Variants in NKIRAS1 observed in about 807,000 individuals in gnomAD.
NKIRAS1 encodes the protein NFKB inhibitor interacting Ras like 1.
NKIRAS1 carries 16 observed loss-of-function variants against 19.8 expected under a neutral mutation model. The observed-to-expected ratio is 0.81, with a 90% CI of 0.55 to 1.23. The LOEUF (loss-of-function observed/expected upper bound fraction) is 1.23. NKIRAS1 is among the 50% of genes most tolerant of loss of function. The probability of loss-of-function intolerance (pLI) is 0.00; values close to 1 mark genes in which losing one functional copy is unlikely to be tolerated. For missense variants in NKIRAS1, 184 were observed against 220.0 expected (o/e 0.84, Z 1.04); for synonymous variants, 88 against 79.0 (o/e 1.11, Z -0.61).
upstream of NKIRAS1, chr3:23,917,986 A>T: frequency 6.2e-7 from 1 of 1,612,234 alleles, no homozygotes; most frequent in Non-Finnish European, 8.5e-7. Context: ...TCCCCGCCCC[A>T]CCCGGCCTGA....
intron 1 of NKIRAS1, among the ~76,000 whole-genome samples, chr3:23,945,944 AGGCGGCGGCGGCGGGC>A (rs1470692265): frequency 3.3e-5 from 5 of 149,720 alleles, no homozygotes; most frequent in African/African-American, 1.2e-4. Flanking sequence ...ATGGGCGCTG[AGGCGGCGGCGGCGGGC>A]GGGGACACGT....
At chr3:23,893,780 C>T (rs1338931033) in intron 4 of NKIRAS1, among the ~76,000 whole-genome samples, 5 of 117,776 alleles carry the variant, frequency 4.2e-5, no homozygotes, top group African/African-American at 1.7e-4. Flanking sequence ...GCCTGGGTGA[C>T]TGTGCAAGAC....
intron 3 of NKIRAS1, among the ~76,000 whole-genome samples, chr3:23,905,777 G>C (rs1317383390): frequency 7.2e-6 from 1 of 138,722 alleles, no homozygotes; most frequent in African/African-American, 2.7e-5. Flanking sequence ...CCCCAGAAAA[G>C]TACTGGAAAA....
At chr3:23,893,458 A>C in intron 4 of NKIRAS1, 121 bp from the exon 5 acceptor site, 15 of 808,094 alleles carry the variant, frequency 1.9e-5, no homozygotes, top group Non-Finnish European at 2.8e-5. Flanking sequence ...ACTGATTCTC[A>C]AGTGTGACTG....
intron 2 of NKIRAS1, 96 bp downstream of exon 2, chr3:23,911,233 C>T: frequency 4.7e-6 from 1 of 213,020 alleles, no homozygotes; most frequent in Non-Finnish European, 9.5e-6. Flanking sequence ...GCGGGTGGAT[C>T]ACCTGAGGTC....
Position 23,890,680 on chromosome 3 carries a change from G to T in NKIRAS1, c.*2415C>A, listed in dbSNP as rs1200606094. ...TGCTTATGATTTTGAAGGGGTCAGG[G>T]AGGGTGGGAGTTGGTAAAGAGTAGG... On this transcript the variant is annotated 3_prime_UTR_variant, in exon 5 of 5. Coordinates refer to ENST00000425478, the MANE Select transcript of NKIRAS1 (RefSeq NM_020345.4). 7.5e-5 allele frequency: 82 copies of T among 1,100,214 alleles called. No homozygotes were observed. Among genetic ancestry groups the T allele is most frequent in the Admixed American group, 2.0e-4 (9 of 44,272 alleles). 68.2% of individuals were successfully genotyped at this position (1,100,214 alleles called of 1,614,324 possible). A position where few individuals can be genotyped will look rare whatever the true frequency, so the allele number is the denominator to read the frequency against.
chr3:23,939,105 G>A (rs1705447963), intron 1 of NKIRAS1, among the ~76,000 whole-genome samples: 1 of 152,200 alleles, frequency 6.6e-6, no homozygotes, highest in South Asian at 2.1e-4. Context: ...AAGTTATGGG[G>A]TGATTTGTTA....
At chr3:23,937,805 G>T (rs564037940) in intron 1 of NKIRAS1, among the ~76,000 whole-genome samples, 1 of 152,204 alleles carries the variant, frequency 6.6e-6, no homozygotes, top group East Asian at 1.9e-4. Context: ...TCTATTCAAT[G>T]AAGTATCTTG....
upstream of NKIRAS1, chr3:23,919,095 T>A: frequency 1.3e-6 from 1 of 774,842 alleles, no homozygotes. Context: ...AGTAAAAGAC[T>A]CTTGTCTGGT....
intron 3 of NKIRAS1, among the ~76,000 whole-genome samples, chr3:23,902,122 A>G (rs1191319973): frequency 1.3e-5 from 2 of 152,208 alleles, no homozygotes; most frequent in African/African-American, 4.8e-5. Context: ...AGATACATCC[A>G]GAGGTAAAAT....
rs116034237 is a variant in NKIRAS1 at position 23,924,696 on chromosome 3, C to G, written c.-139-13246G>C. Among the ~76,000 whole-genome samples, 840 of 152,324 alleles carry G rather than the reference C, an allele frequency of 5.5e-3. 8 individuals carry two copies. The highest frequency in any genetic ancestry group is 0.02 in the African/African-American group (819 of 41,560). ...GGATTACAGGAATAAGCCACCAAGC[C>G]TGGCCCTGCTCATAAGATTCTTGAA... is the stretch of plus-strand genomic sequence containing the variant. On this transcript the variant is annotated intron_variant, in intron 1 of 4. Transcript: ENST00000421515.
At chr3:23,896,917 A>G (rs966987558) in intron 4 of NKIRAS1, among the ~76,000 whole-genome samples, 2 of 152,084 alleles carry the variant, frequency 1.3e-5, no homozygotes, top group African/African-American at 4.8e-5. Flanking sequence ...GAGAAAGGGA[A>G]AAAAGGCTAG....
At chr3:23,910,463 T>C (rs546270095) in intron 3 of NKIRAS1, among the ~76,000 whole-genome samples, 2 of 152,324 alleles carry the variant, frequency 1.3e-5, no homozygotes, top group South Asian at 4.1e-4. Context: ...TGGAAAGTTA[T>C]GTTTTCTTAA....
In NKIRAS1 at chr3:23,893,073, C is replaced by G; in HGVS notation, c.*22G>C. 6.5e-7 allele frequency: 1 copy of G among 1,534,944 alleles called. No individual in the cohort carries two copies. The highest frequency in any genetic ancestry group is 8.7e-7 in the Non-Finnish European group (1 of 1,145,270). On this transcript the variant is annotated 3_prime_UTR_variant, in exon 5 of 5. Transcript: ENST00000425478. ...TTAAAGGCAATCACTATTCAACATA[C>G]AATTGTGGAAATTACTGATTTTTAG...
intron 3 of NKIRAS1, among the ~76,000 whole-genome samples, chr3:23,904,729 CAAG>C (rs777693250): frequency 6.6e-6 from 1 of 152,062 alleles, no homozygotes; most frequent in Non-Finnish European, 1.5e-5. Flanking sequence ...GCACTAGAAG[CAAG>C]AAGACAATAG....
upstream of NKIRAS1, chr3:23,920,116 T>C (rs1364824730): frequency 1.4e-5 from 14 of 985,738 alleles, no homozygotes; most frequent in Non-Finnish European, 1.6e-5. Flanking sequence ...AGCCTTAAGA[T>C]TGGTAAGCTA....
rs1322987975 is a variant in NKIRAS1 at position 23,891,982 on chromosome 3, TAGC to T, written c.*1110_*1112del. The T allele has an allele frequency of 6.6e-6, 1 of 152,208 alleles. No individual in the cohort carries two copies. The highest frequency in any genetic ancestry group is 1.5e-5 in the Non-Finnish European group (1 of 68,024). The allele number at this position is 152,208 out of a possible 1,614,324, so 9.4% of individuals were successfully genotyped here. A position where few individuals can be genotyped will look rare whatever the true frequency, so the allele number is the denominator to read the frequency against. The stretch of plus-strand genomic sequence containing the variant: ...TGAGAAATTTTGAAGAATTATACTG[TAGC>T]AGCAATAGCTGATTTGTAAGTATCG... On this transcript the variant is annotated 3_prime_UTR_variant, in exon 5 of 5. Coordinates refer to ENST00000425478, the MANE Select transcript of NKIRAS1 (RefSeq NM_020345.4).
chr3:23,943,563 G>A (rs548157555), intron 1 of NKIRAS1, among the ~76,000 whole-genome samples: 2 of 152,296 alleles, frequency 1.3e-5, no homozygotes, highest in East Asian at 3.9e-4. Context: ...TCGTATAGTT[G>A]GAATCATACA....
chr3:23,900,301 CCTAA>C (rs1273504963), intron 4 of NKIRAS1, among the ~76,000 whole-genome samples: 2 of 152,050 alleles, frequency 1.3e-5, no homozygotes, highest in African/African-American at 4.8e-5. Context: ...AAATTCTGGT[CCTAA>C]CTAAATTCAG....
Sources: allele counts gnomAD v4.1 joint callset (sites outside exome capture counted in the v4.1 genomes callset), GRCh38; gene constraint gnomAD v4.1.1; transcripts MANE v1.5; gene names NCBI Gene and HGNC (gene_info 2026-07-23, HGNC 2026-07-21).